The following PARP14 variants were observed in gnomAD, a reference collection of about 807,000 sequenced individuals.
PARP14 encodes the protein protein mono-ADP-ribosyltransferase PARP14.
Under a neutral mutation model 154.2 loss-of-function variants are expected in PARP14, and 59 were observed. The observed-to-expected ratio is 0.38, with a 90% CI of 0.31 to 0.48. The LOEUF (loss-of-function observed/expected upper bound fraction) is 0.48, where lower values mean the gene tolerates loss of function less well. Among genes scored for constraint, PARP14 ranks in the 20% least tolerant of loss-of-function variants. PARP14 has a pLI of 0.98. For synonymous variants in PARP14, 720 were observed against 780.5 expected, an observed-to-expected ratio of 0.92 and a Z score of 1.29; for missense variants, 1,734 against 2,131.6, an observed-to-expected ratio of 0.81 and a Z score of 3.67.
intron 3 of PARP14, among the ~76,000 whole-genome samples, chr3:122,688,097 G>T (rs181630799): frequency 0.063 from 9,082 of 144,290 alleles, 312 homozygotes; most frequent in Middle Eastern, 0.092. Context: ...TTTTTTTTTT[G>T]TCTCTTTAGA....
Position 122,708,828 on chromosome 3 carries a change from T to C in PARP14, c.3619+560T>C, listed in dbSNP as rs550103342. 1.5e-3 allele frequency among the ~76,000 whole-genome samples: 234 copies of C among 152,128 alleles called. 1 individual carries two copies. The highest frequency in any genetic ancestry group is 3.4e-4 in the Non-Finnish European group (23 of 67,986). Reference sequence around the variant, plus strand: ...GCTGTTCTCCCCATGCCTACCCCCCTCAATCCCACTCATCTTTTTTCTCTC... The same window carrying C: ...GCTGTTCTCCCCATGCCTACCCCCCCCAATCCCACTCATCTTTTTTCTCTC... On this transcript the variant is annotated intron_variant, in intron 9 of 16. Transcript: ENST00000474629.
intron 9 of PARP14, among the ~76,000 whole-genome samples, chr3:122,711,147 G>A (rs1939309341): frequency 1.3e-5 from 2 of 152,068 alleles, no homozygotes. Context: ...GGTAAAAGTG[G>A]GCATCCTTGT....
At chr3:122,713,392 T>C in intron 9 of PARP14, 32 bp from the exon 10 acceptor site, 1 of 1,588,240 alleles carries the variant, frequency 6.3e-7, no homozygotes, top group Non-Finnish European at 8.6e-7. Flanking sequence ...TGTGGCTGAC[T>C]CGGTTATTGA....
In PARP14 at chr3:122,718,474, T is replaced by C. The variant is rs7645033; in HGVS notation, c.4323T>C (p.Tyr1441=). ...VCGENVTCVE[Y]AISWLQDLIE... is the part of the protein sequence containing the mutation. The stretch of plus-strand genomic sequence containing the variant: ...GTGAAAATGTCACGTGTGTGGAATA[T>C]GCTATCTCCTGGCTACAAGACCTGA... The change falls in exon 14 of 17, where the codon TAT becomes TAC. Residue 1441 remains tyrosine, a synonymous_variant. Coordinates refer to ENST00000474629, the MANE Select transcript of PARP14 (RefSeq NM_017554.3). 1,429,514 of 1,613,778 alleles carry C rather than the reference T, an allele frequency of 0.89. 633,878 individuals carry two copies. Among genetic ancestry groups the C allele is most frequent in the East Asian group, 0.98 (44,183 of 44,886 alleles).
At chr3:122,685,483 T>C (rs932093769) in intron 2 of PARP14, among the ~76,000 whole-genome samples, 165 bp downstream of exon 2, 3 of 150,084 alleles carry the variant, frequency 2.0e-5, no homozygotes, top group Non-Finnish European at 4.4e-5. Context: ...TAGGGTAGGG[T>C]AGTATGGGAT....
Position 122,699,404 on chromosome 3 carries a change from AT to A in PARP14, c.851del (p.Met284ArgfsTer32). 4 of 1,607,120 alleles carry A rather than the reference AT, an allele frequency of 2.5e-6. No homozygotes were observed. Among genetic ancestry groups the A allele is most frequent in the Non-Finnish European group, 3.4e-6 (4 of 1,175,340 alleles). ...TTCCTTTTAAGTGTTAGACACCATC[AT>A]GGCCACAAAACTCGACTTCAATAAA... Reference protein sequence around the residue: ...FFDRKVLDTIMATKLDFNKMP... With the variant: ...FFDRKVLDTIXATKLDFNKMP... On this transcript the variant is annotated frameshift_variant, in exon 6 of 17. Coordinates refer to ENST00000474629, the MANE Select transcript of PARP14 (RefSeq NM_017554.3). LOFTEE classifies it high-confidence loss of function.
At chr3:122,687,756 A>T (rs1429722236) in intron 3 of PARP14, among the ~76,000 whole-genome samples, 2 of 152,220 alleles carry the variant, frequency 1.3e-5, no homozygotes, top group Admixed American at 6.5e-5. Flanking sequence ...ACTAGTTTTC[A>T]TAGCTAAGCA....
intron 9 of PARP14, among the ~76,000 whole-genome samples, chr3:122,709,390 C>T (rs868221788): frequency 3.9e-5 from 6 of 152,148 alleles, no homozygotes; most frequent in Non-Finnish European, 4.4e-5. Flanking sequence ...TATTTCATTC[C>T]TTTTTATGGC....
chr3:122,713,368 C>T, intron 9 of PARP14, 56 bp from the exon 10 acceptor site: 1 of 1,504,812 alleles, frequency 6.6e-7, no homozygotes, highest in South Asian at 1.2e-5. Flanking sequence ...GCAGGATACC[C>T]AAGTCATTCT....
intron 3 of PARP14, among the ~76,000 whole-genome samples, chr3:122,689,212 C>G (rs575890866): frequency 8.6e-4 from 131 of 152,344 alleles, no homozygotes; most frequent in Non-Finnish European, 1.5e-3. Context: ...AGCAAGGGCC[C>G]TTTCTGGCTT....
intron 14 of PARP14, 113 bp downstream of exon 14, chr3:122,719,071 G>T: frequency 1.9e-6 from 2 of 1,060,690 alleles, no homozygotes; most frequent in East Asian, 5.5e-5. Context: ...TGACACTAAT[G>T]AAATAAACTA....
intron 9 of PARP14, among the ~76,000 whole-genome samples, chr3:122,709,653 C>T (rs184076753): frequency 5.3e-4 from 80 of 152,232 alleles, no homozygotes; most frequent in African/African-American, 1.5e-3. Context: ...ATTTGCATTC[C>T]GACTAGCAAT....
intron 15 of PARP14, 30 bp downstream of exon 15, chr3:122,720,418 G>A (rs1482446779): frequency 1.2e-6 from 2 of 1,605,064 alleles, no homozygotes; most frequent in Admixed American, 1.7e-5. Flanking sequence ...GCAGTTTCTG[G>A]ATGGTGGAAA....
At chr3:122,719,064 C>A in intron 14 of PARP14, 106 bp downstream of exon 14, 1 of 1,116,842 alleles carries the variant, frequency 9.0e-7, no homozygotes, top group Non-Finnish European at 1.2e-6. Context: ...ATTCATGTGA[C>A]ACTAATGAAA....
rs896044444 is a variant in PARP14, at chr3:122,697,516, A to G, written c.835+1854A>G. 2.6e-5 allele frequency among the ~76,000 whole-genome samples: 4 copies of G among 152,206 alleles called. No homozygotes were observed. The South Asian group carries it at 6.2e-4, about 24-fold the overall frequency. ...CTTTCCAAATCTCCTGTTCACCTATAACGTTAATTTTTCTTATAGGATATT... is the reference window on the plus strand; with the variant it reads ...CTTTCCAAATCTCCTGTTCACCTATGACGTTAATTTTTCTTATAGGATATT... On this transcript the variant is annotated intron_variant, in intron 5 of 16. Coordinates refer to ENST00000474629, the MANE Select transcript of PARP14 (RefSeq NM_017554.3).
At chr3:122,687,229 C>T (rs780861471) in intron 3 of PARP14, 116 bp downstream of exon 3, 165 of 734,300 alleles carry the variant, frequency 2.2e-4, no homozygotes, top group Non-Finnish European at 1.5e-4. Context: ...GGATGTGCTC[C>T]GCTGGGAGCT....
Position 122,703,964 on chromosome 3 carries a change from A to G in PARP14, c.3304A>G (p.Thr1102Ala). The change falls in exon 7 of 17, where the codon ACA becomes GCA. Residue 1102 changes from threonine to alanine, a missense_variant. Thr to Ala is a moderately conservative substitution (Grantham distance 58). Coordinates refer to ENST00000474629, the MANE Select transcript of PARP14 (RefSeq NM_017554.3). ...VVAPEWRNGS[T>A]SSLKIMEDII... The stretch of plus-strand genomic sequence containing the variant: ...AGCTCCGGAGTGGAGAAATGGTAGC[A>G]CATCTTCACTCAAGGTTGGGCCTGG... 1 of 1,612,644 alleles carries G rather than the reference A, an allele frequency of 6.2e-7. No homozygotes were observed. Among genetic ancestry groups the G allele is most frequent in the Non-Finnish European group, 8.5e-7 (1 of 1,178,666 alleles).
rs1426842404 is a variant in PARP14, at chr3:122,699,790, C to G, written c.1236C>G (p.Thr412=). The G allele has an allele frequency of 1.2e-6, 2 of 1,613,636 alleles. No homozygotes were observed. The highest frequency in any genetic ancestry group is 1.7e-6 in the Non-Finnish European group (2 of 1,179,820). Residue 412 remains threonine, a synonymous_variant, in exon 6 of 17, where the codon ACC becomes ACG. Coordinates refer to ENST00000474629, the MANE Select transcript of PARP14 (RefSeq NM_017554.3). Reference sequence around the variant, plus strand: ...AAGTGGATCCAACAATGTGGGACACCATAAAAAATGATGTGAAAGATGACA... The same window carrying G: ...AAGTGGATCCAACAATGTGGGACACGATAAAAAATGATGTGAAAGATGACA... The part of the protein sequence containing the change: ...PIKVDPTMWD[T]IKNDVKDDRI...
In PARP14 at chr3:122,714,339, G is replaced by A; in HGVS notation, c.3910G>A (p.Gly1304Arg). The change falls in exon 12 of 17, where the codon GGA (glycine) becomes AGA (arginine). Residue 1304 changes from glycine (G) to arginine (R), a missense_variant. Physicochemically the swap from Gly to Arg is moderately radical, Grantham distance 125 (BLOSUM62 -2). This residue lies in a region of PARP14 where 1,646 missense variants were observed against 1,976.0 expected (regional missense o/e 0.83). Transcript: ENST00000474629. ...CAAGAATATCATTCATGTAATTGGT[G>A]GAAATGATGTCAAGAGTTCAGTTTC... ...RCKNIIHVIG[G>R]NDVKSSVSSV... 6.3e-7 allele frequency: 1 copy of A among 1,589,630 alleles called. No individual in the cohort carries two copies. Among genetic ancestry groups the A allele is most frequent in the East Asian group, 2.3e-5 (1 of 44,214 alleles).
Sources: allele counts gnomAD v4.1 joint callset (sites outside exome capture counted in the v4.1 genomes callset), GRCh38; gene constraint gnomAD v4.1.1; regional missense constraint gnomAD v4.1.1; transcripts MANE v1.5; gene names NCBI Gene and HGNC (gene_info 2026-07-23, HGNC 2026-07-21).